Variants in GSE1 observed in about 807,000 individuals in gnomAD.
GSE1 encodes the protein genetic suppressor element 1.
Under a neutral mutation model 112.6 loss-of-function variants are expected in GSE1, and 32 were observed. The observed-to-expected ratio is 0.28, with a 90% CI of 0.21 to 0.38. The LOEUF (loss-of-function observed/expected upper bound fraction) is 0.38, where lower values mean the gene tolerates loss of function less well. GSE1 is among the 10% of genes least tolerant of loss of function. The pLI is 1.00. For missense variants in GSE1, 2,348 were observed against 1,699.2 expected (o/e 1.38, Z -6.71); for synonymous variants, 1,115 against 735.6 (o/e 1.52, Z -8.35).
Position 85,357,473 on chromosome 16 carries a change from G to C in GSE1, c.2294G>C (p.Gly765Ala), listed in dbSNP as rs143928164. Residue 765 changes from glycine (G) to alanine (A), a missense_variant, in exon 2 of 3, where the codon GGA (glycine) becomes GCA (alanine). By Grantham distance (60) the Gly-to-Ala change is moderately conservative (BLOSUM62 0). Coordinates refer to the GSE1 transcript ENST00000637419. ...CTCTTTTCCTTTCAGCCTGTTTGTG[G>C]ATCTCTGGAAGCATCTGCAGCCAGC... 5,393 of 1,226,294 alleles carry C rather than the reference G, an allele frequency of 4.4e-3. 63 individuals are homozygous for C. The highest frequency in any genetic ancestry group is 0.024 in the Middle Eastern group (80 of 3,328). The allele number at this position is 1,226,294 out of a possible 1,614,324, so 76.0% of individuals were successfully genotyped here.
chr16:85,180,941 G>A (rs558646057), intron 1 of GSE1, among the ~76,000 whole-genome samples: 4 of 152,248 alleles, frequency 2.6e-5, no homozygotes, highest in Non-Finnish European at 5.9e-5. Flanking sequence ...ATGTGTGCCA[G>A]GGTGCTGCCT....
chr16:85,483,189 C>A (rs929654836), intron 2 of GSE1, among the ~76,000 whole-genome samples: 40 of 152,354 alleles, frequency 2.6e-4, no homozygotes, highest in African/African-American at 9.4e-4. Context: ...CAAGACATCT[C>A]ACTGTGTATT....
At position 85,327,392 on chromosome 16, in the gene GSE1, CAGG is replaced by C. The variant is rs1277103490; in HGVS notation, c.2284-30068_2284-30066del. ...CTGAGGTGGGCAGATCGTTTGAGGC[CAGG>C]AGTTTAAGACCAGCCTGGGCAGCAT... On this transcript the variant is annotated intron_variant, in intron 1 of 2. Coordinates refer to the GSE1 transcript ENST00000637419. 4.6e-5 allele frequency among the ~76,000 whole-genome samples: 7 copies of C among 152,296 alleles called. No individual in the cohort carries two copies. The East Asian group carries it at 1.2e-3, about 25-fold the overall frequency.
intron 2 of GSE1, among the ~76,000 whole-genome samples, chr16:85,357,847 C>G (rs1405043443): frequency 6.6e-6 from 1 of 152,134 alleles, no homozygotes; most frequent in Non-Finnish European, 1.5e-5. Flanking sequence ...ACCGTAGTTT[C>G]ATCAACATCC....
intron 2 of GSE1, among the ~76,000 whole-genome samples, chr16:85,504,058 C>T (rs540446849): frequency 1.3e-5 from 2 of 152,368 alleles, no homozygotes; most frequent in Admixed American, 6.5e-5. Flanking sequence ...CTGCCTCCCA[C>T]GGTGCTGCCC....
intron 1 of GSE1, among the ~76,000 whole-genome samples, chr16:85,220,369 C>T (rs2075370244): frequency 6.6e-6 from 1 of 152,188 alleles, no homozygotes; most frequent in African/African-American, 2.4e-5. Context: ...AGCGAGGCTC[C>T]AAGCCGGCGA....
chr16:85,320,850 C>T (rs963457852), intron 1 of GSE1, among the ~76,000 whole-genome samples: 12 of 152,170 alleles, frequency 7.9e-5, no homozygotes, highest in Non-Finnish European at 1.3e-4. Context: ...TGCTCCACAG[C>T]ACCAGGCATG....
chr16:85,272,451 C>T (rs753782654), intron 1 of GSE1, among the ~76,000 whole-genome samples: 16 of 151,932 alleles, frequency 1.1e-4, no homozygotes, highest in Non-Finnish European at 1.8e-4. Context: ...TCCTGGAAAA[C>T]GGTCTGGTTT....
intron 1 of GSE1, among the ~76,000 whole-genome samples, chr16:85,214,329 G>C (rs565702587): frequency 1.4e-4 from 21 of 152,338 alleles, no homozygotes; most frequent in African/African-American, 5.1e-4. Flanking sequence ...TGAAGTTAGG[G>C]TGAAGTCATA....
At chr16:85,388,472 A>G (rs1416223339) in intron 2 of GSE1, among the ~76,000 whole-genome samples, 11 of 17,294 alleles carry the variant, frequency 6.4e-4, no homozygotes, top group South Asian at 2.3e-3. Flanking sequence ...GGGTGAGTGG[A>G]TGGGTGGGTG....
intron 1 of GSE1, among the ~76,000 whole-genome samples, chr16:85,617,051 T>C (rs576496082): frequency 6.6e-6 from 1 of 152,296 alleles, no homozygotes; most frequent in South Asian, 2.1e-4. Context: ...CCACACGCCA[T>C]TCTCGCCACT....
At chr16:85,669,568 T>C (rs1026519710) in intron 14 of GSE1, among the ~76,000 whole-genome samples, 4 of 152,174 alleles carry the variant, frequency 2.6e-5, no homozygotes, top group Non-Finnish European at 5.9e-5. Flanking sequence ...TGCCATTCTT[T>C]TAGTGCACTC....
intron 1 of GSE1, among the ~76,000 whole-genome samples, chr16:85,260,030 A>C (rs1054855154): frequency 6.6e-6 from 1 of 152,196 alleles, no homozygotes; most frequent in East Asian, 1.9e-4. Flanking sequence ...ACTTACCAGA[A>C]AGGGACGGAG....
intron 2 of GSE1, among the ~76,000 whole-genome samples, chr16:85,439,340 G>A (rs576589647): frequency 3.3e-5 from 5 of 152,314 alleles, no homozygotes; most frequent in African/African-American, 1.2e-4. Context: ...GGCCTCGGGC[G>A]CTGGCCTCCC....
intron 1 of GSE1, among the ~76,000 whole-genome samples, chr16:85,246,604 A>T (rs994288906): frequency 8.2e-5 from 12 of 145,680 alleles, no homozygotes; most frequent in Non-Finnish European, 1.6e-4. Flanking sequence ...GCCCTGGAGG[A>T]GGAGAAATGA....
At chr16:85,180,693 C>G (rs2074565589) in intron 1 of GSE1, among the ~76,000 whole-genome samples, 1 of 152,182 alleles carries the variant, frequency 6.6e-6, no homozygotes, top group South Asian at 2.1e-4. Flanking sequence ...GCGCCGGGAT[C>G]CGCACCCAGG....
At chr16:85,285,173 G>A (rs2044981688) in intron 1 of GSE1, 1 of 152,242 alleles carries the variant, frequency 6.6e-6, no homozygotes, top group Non-Finnish European at 1.5e-5. Context: ...CATCTCCAGG[G>A]TGACACGGTG....
At chr16:85,323,602 A>G (rs1363007465) in intron 1 of GSE1, among the ~76,000 whole-genome samples, 5 of 152,142 alleles carry the variant, frequency 3.3e-5, no homozygotes, top group Admixed American at 2.6e-4. Flanking sequence ...CCCAAGGCCT[A>G]TGTGGTGGGA....
chr16:85,633,414 T>C (rs975515900), intron 1 of GSE1, among the ~76,000 whole-genome samples: 1 of 152,216 alleles, frequency 6.6e-6, no homozygotes, highest in Non-Finnish European at 1.5e-5. Flanking sequence ...TCTGAGGGCA[T>C]TGCCATGCGT....
Sources: gnomAD v4.1 joint callset for allele counts (sites outside exome capture counted in the v4.1 genomes callset) on GRCh38, gnomAD v4.1.1 for gene constraint, MANE v1.5 for transcripts, NCBI Gene and HGNC (gene_info 2026-07-23, HGNC 2026-07-21) for gene names.